Variants in PGBD2 observed in about 807,000 individuals in gnomAD.
PGBD2 encodes piggyBac transposable element derived 2, also known as piggyBac transposable element-derived protein 2.
Under a neutral mutation model 8.1 loss-of-function variants are expected in PGBD2, and 6 were observed. The ratio of observed to expected loss-of-function variants is 0.74; its 90% CI spans 0.40 to 1.46. PGBD2 has a LOEUF of 1.46. Ranked by LOEUF, PGBD2 falls within the 40% of genes most tolerant of loss-of-function variation. The pLI is 0.02. For missense variants in PGBD2, 802 were observed against 739.0 expected (o/e 1.09, Z -0.99); for synonymous variants, 318 against 272.2 (o/e 1.17, Z -1.66).
chr1:248,885,308 A>C, the PGBD2 span, among the ~76,000 whole-genome samples: 5 of 142,738 alleles, frequency 3.5e-5, no homozygotes, highest in Non-Finnish European at 4.6e-5. Context: ...CTACTTTTTA[A>C]TTTTTTTTTT....
chr1:248,876,133 C>T, the PGBD2 span, among the ~76,000 whole-genome samples: 10 of 151,884 alleles, frequency 6.6e-5, no homozygotes, highest in Non-Finnish European at 1.3e-4. Context: ...CTCAGCCTCC[C>T]GAGTAGCTGG....
upstream of PGBD2, among the ~76,000 whole-genome samples, chr1:248,905,743 C>T (rs1661611575): frequency 1.3e-5 from 2 of 152,164 alleles, no homozygotes; most frequent in Admixed American, 6.5e-5. Flanking sequence ...ATTATCCAGG[C>T]CCAAAATGTC....
At chr1:248,880,992 C>T in the PGBD2 span, among the ~76,000 whole-genome samples, 14 of 152,184 alleles carry the variant, frequency 9.2e-5, no homozygotes, top group African/African-American at 3.1e-4. Flanking sequence ...TGATGTGTCT[C>T]CCACCAGGTT....
rs182442880 is a variant in PGBD2, at chr1:248,910,695, G to T, written c.-47-3121G>T. On this transcript the variant is annotated intron_variant, in intron 1 of 2. Transcript: ENST00000329291. ...TAGTGCCAAGAAGGTCAGAGCAGAA[G>T]GGGAGCTGGAGCCCCACAGACATCA... Among the ~76,000 whole-genome samples, 110 of 152,368 alleles carry T rather than the reference G, an allele frequency of 7.2e-4. 2 individuals are homozygous for T. The highest frequency in any genetic ancestry group is 2.5e-3 in the African/African-American group (105 of 41,580).
upstream of PGBD2, among the ~76,000 whole-genome samples, chr1:248,902,683 C>A (rs1302429213): frequency 1.3e-5 from 2 of 152,154 alleles, no homozygotes; most frequent in Non-Finnish European, 2.9e-5. Context: ...GGATTGAGAT[C>A]ATATCTTTTT....
chr1:248,879,961 T>G, the PGBD2 span, among the ~76,000 whole-genome samples: 1 of 152,184 alleles, frequency 6.6e-6, no homozygotes, highest in African/African-American at 2.4e-5. Flanking sequence ...TTCTGCATGC[T>G]GTGGAGAGAG....
At chr1:248,883,193 G>A in the PGBD2 span, among the ~76,000 whole-genome samples, 4 of 152,040 alleles carry the variant, frequency 2.6e-5, no homozygotes, top group African/African-American at 9.6e-5. Context: ...GCGGGATCTC[G>A]GCTCACCACA....
chr1:248,906,433 C>T (rs1661639890), intron 1 of PGBD2, 91 bp downstream of exon 1: 1 of 152,030 alleles, frequency 6.6e-6, no homozygotes, highest in Non-Finnish European at 1.5e-5. Flanking sequence ...ACGGCGGCAT[C>T]CGAGGAGTTC....
chr1:248,908,164 A>G (rs558650136), intron 1 of PGBD2, among the ~76,000 whole-genome samples: 49 of 152,292 alleles, frequency 3.2e-4, no homozygotes, highest in African/African-American at 1.1e-3. Flanking sequence ...AGGTTCCAAG[A>G]CAGCATTTAG....
chr1:248,896,029 C>T, the PGBD2 span, among the ~76,000 whole-genome samples: 2 of 152,182 alleles, frequency 1.3e-5, no homozygotes, highest in East Asian at 3.9e-4. Context: ...GACCCTTCCC[C>T]CGCCCCGAGT....
chr1:248,874,320 G>A, the PGBD2 span, among the ~76,000 whole-genome samples: 112 of 152,340 alleles, frequency 7.4e-4, no homozygotes, highest in Non-Finnish European at 1.2e-3. Flanking sequence ...GGTCAGGAAA[G>A]TAAGCCGTTT....
rs1163447549 is a variant in PGBD2 at position 248,916,983 on chromosome 1, T to A, written c.399T>A (p.Asp133Glu). Residue 133 changes from aspartate (D) to glutamate (E), a missense_variant, in exon 3 of 3, where the codon GAT (aspartate) becomes GAA (glutamate). Asp to Glu is a conservative substitution (Grantham distance 45). Transcript: ENST00000329291. ...SWTASDPHIE[D>E]LKSQELSPVG... is the part of the protein sequence containing the mutation. ...CTGCATCAGATCCTCATATTGAGGA[T>A]CTGAAAAGCCAAGAGCTGAGTCCCG... 6.2e-7 allele frequency: 1 copy of A among 1,612,522 alleles called. No homozygotes were observed. Among genetic ancestry groups the A allele is most frequent in the Non-Finnish European group, 8.5e-7 (1 of 1,179,644 alleles).
At chr1:248,894,960 C>A in the PGBD2 span, among the ~76,000 whole-genome samples, 1 of 151,990 alleles carries the variant, frequency 6.6e-6, no homozygotes, top group Non-Finnish European at 1.5e-5. Context: ...CTGCATCTGG[C>A]TATTTTGTTG....
chr1:248,909,986 G>A (rs1380555247), intron 1 of PGBD2, among the ~76,000 whole-genome samples: 5 of 152,184 alleles, frequency 3.3e-5, no homozygotes, highest in African/African-American at 1.2e-4. Flanking sequence ...CCTAATGGCT[G>A]GAGGCTGTCA....
upstream of PGBD2, among the ~76,000 whole-genome samples, chr1:248,902,921 A>T (rs1028741015): frequency 1.2e-4 from 18 of 152,116 alleles, no homozygotes; most frequent in African/African-American, 4.4e-4. Context: ...CTTAATACCT[A>T]GGTGATGGGT....
In PGBD2 at chr1:248,918,332, C is replaced by T. The variant is rs1662196511; in HGVS notation, c.1748C>T (p.Ala583Val). The T allele has an allele frequency of 6.4e-7, 1 of 1,569,944 alleles. No individual in the cohort carries two copies. Among genetic ancestry groups the T allele is most frequent in the African/African-American group, 1.4e-5 (1 of 73,878 alleles). The stretch of plus-strand genomic sequence containing the variant: ...GAGAAGTGCCAGAAGGGTGTCCATG[C>T]CAAATGCTTCAGGGAGTACCACATC... ...RCEKCQKGVH[A>V]KCFREYHIR The change falls in exon 3 of 3, where the codon GCC (alanine) becomes GTC (valine). Residue 583 changes from alanine to valine, a missense_variant. Coordinates refer to ENST00000329291, the MANE Select transcript of PGBD2 (RefSeq NM_170725.3).
upstream of PGBD2, among the ~76,000 whole-genome samples, chr1:248,905,397 G>A (rs1661603538): frequency 6.6e-6 from 1 of 152,166 alleles, no homozygotes; most frequent in African/African-American, 2.4e-5. Context: ...TATACCTAAT[G>A]GGCTACTGGG....
chr1:248,874,860 C>T, the PGBD2 span, among the ~76,000 whole-genome samples: 1 of 138,620 alleles, frequency 7.2e-6, no homozygotes, highest in Non-Finnish European at 1.5e-5. Flanking sequence ...TTGTCACATT[C>T]TCTCTCTCTC....
At chr1:248,875,922 T>C in the PGBD2 span, among the ~76,000 whole-genome samples, 1 of 152,292 alleles carries the variant, frequency 6.6e-6, no homozygotes, top group South Asian at 2.1e-4. Flanking sequence ...GTAAGTTTGG[T>C]AAAATGGGCT....
Sources: gnomAD v4.1 joint callset for allele counts (sites outside exome capture counted in the v4.1 genomes callset) on GRCh38, gnomAD v4.1.1 for gene constraint, MANE v1.5 for transcripts, NCBI Gene and HGNC (gene_info 2026-07-23, HGNC 2026-07-21) for gene names.